PHF2: variants seen among roughly 807,000 people sequenced by gnomAD.
The protein encoded by PHF2 is PHD finger protein 2, also known as lysine-specific demethylase PHF2.
PHF2 carries 27 observed loss-of-function variants against 120.5 expected under a neutral mutation model. The ratio of observed to expected loss-of-function variants is 0.22; its 90% CI spans 0.17 to 0.31. PHF2 has a LOEUF of 0.31. Ranked by LOEUF, PHF2 falls within the 10% of genes least tolerant of loss-of-function variation. The pLI, the probability that PHF2 is intolerant of heterozygous loss-of-function variation, is 1.00. For synonymous variants in PHF2, 568 were observed against 592.5 expected, an observed-to-expected ratio of 0.96 and a Z score of 0.60; for missense variants, 1,024 against 1,434.8, an observed-to-expected ratio of 0.71 and a Z score of 4.63.
Position 93,649,320 on chromosome 9 carries a change from A to G in PHF2, c.602+108A>G, listed in dbSNP as rs1201763571. 1.3e-5 allele frequency: 10 copies of G among 787,338 alleles called. No individual in the cohort carries two copies. The East Asian group carries it at 2.8e-4, about 22-fold the overall frequency. The allele number at this position is 787,338 out of a possible 1,614,324, so 48.8% of individuals were successfully genotyped here. A position where few individuals can be genotyped will look rare whatever the true frequency, so the allele number is the denominator to read the frequency against. Reference sequence around the variant, plus strand: ...CAGGTCGAAGGTATCAGAGTCTGGAATACTGCACATGGCACACACTGATTT... The same window carrying G: ...CAGGTCGAAGGTATCAGAGTCTGGAGTACTGCACATGGCACACACTGATTT... On this transcript the variant is annotated intron_variant, in intron 5 of 21. Coordinates refer to ENST00000359246, the MANE Select transcript of PHF2 (RefSeq NM_005392.4).
rs1469178627 is a variant in PHF2, at chr9:93,665,899, G to A, written c.2116+35G>A. 5 of 1,612,398 alleles carry A rather than the reference G, an allele frequency of 3.1e-6. No homozygotes were observed. In the East Asian group the frequency reaches 8.9e-5, roughly 29 times the overall value. ...GAGGGGGTGTTGGGGGAGGGGTGTG[G>A]GAGAGGCCCATCCTGCCCCGGAGAG... On this transcript the variant is annotated intron_variant, in intron 15 of 21. Transcript: ENST00000359246.
intron 1 of PHF2, among the ~76,000 whole-genome samples, chr9:93,619,655 A>C (rs1439755266): frequency 1.3e-5 from 2 of 151,164 alleles, no homozygotes; most frequent in East Asian, 3.9e-4. Context: ...CGTGCTCCAT[A>C]CCTGCTGGTG....
chr9:93,675,097 A>G (rs1161093775), intron 19 of PHF2, 75 bp downstream of exon 19: 4 of 1,198,554 alleles, frequency 3.3e-6, no homozygotes, highest in Non-Finnish European at 4.9e-6. Context: ...TGGTCCCTCC[A>G]GCCCCTGAGA....
intron 1 of PHF2, among the ~76,000 whole-genome samples, chr9:93,591,466 G>A (rs560662926): frequency 1.1e-4 from 16 of 152,206 alleles, no homozygotes; most frequent in Admixed American, 9.8e-4. Context: ...TGAGTAGGAC[G>A]TGTGGACTGG....
chr9:93,642,418 A>G (rs1424622978), intron 3 of PHF2, among the ~76,000 whole-genome samples: 5 of 152,210 alleles, frequency 3.3e-5, no homozygotes, highest in African/African-American at 1.2e-4. Context: ...TTATAGAATT[A>G]TATCTTTTAG....
chr9:93,675,836 C>T, intron 20 of PHF2, 47 bp downstream of exon 20: 1 of 1,458,324 alleles, frequency 6.9e-7, no homozygotes, highest in African/African-American at 1.4e-5. Context: ...CCCTGCTACC[C>T]CCACCTGGTG....
intron 1 of PHF2, among the ~76,000 whole-genome samples, chr9:93,622,469 A>G (rs746314579): frequency 7.2e-5 from 11 of 152,206 alleles, no homozygotes; most frequent in African/African-American, 2.7e-4. Context: ...CAGCAGCTGC[A>G]GCGTCATCAC....
At chr9:93,611,792 G>C (rs1435677333) in intron 1 of PHF2, among the ~76,000 whole-genome samples, 1 of 152,160 alleles carries the variant, frequency 6.6e-6, no homozygotes, top group Non-Finnish European at 1.5e-5. Flanking sequence ...TGGGATTATA[G>C]GCATGAGCCA....
chr9:93,618,174 G>A (rs1353423653), intron 1 of PHF2, among the ~76,000 whole-genome samples: 1 of 152,212 alleles, frequency 6.6e-6, no homozygotes, highest in Non-Finnish European at 1.5e-5. Context: ...GTCACAGTTG[G>A]CTCAGATGAA....
chr9:93,675,035 CA>C lies in PHF2; in HGVS notation c.2722+14del. 6.2e-7 allele frequency: 1 copy of C among 1,603,404 alleles called. No homozygotes were observed. The highest frequency in any genetic ancestry group is 8.5e-7 in the Non-Finnish European group (1 of 1,170,978). Reference sequence around the variant, plus strand: ...TACAGCCCAACAGGTAGTGCTGGGACAGGGGTAGGGGGTCCACCTGACACCC... The same window carrying C: ...TACAGCCCAACAGGTAGTGCTGGGACGGGGTAGGGGGTCCACCTGACACCC... On this transcript the variant is annotated intron_variant, in intron 19 of 21. Coordinates refer to ENST00000359246, the MANE Select transcript of PHF2 (RefSeq NM_005392.4).
In PHF2 at chr9:93,679,475, A is replaced by G. The variant is rs575926368; in HGVS notation, c.*1799A>G. On this transcript the variant is annotated 3_prime_UTR_variant, in exon 22 of 22. Coordinates refer to ENST00000359246, the MANE Select transcript of PHF2 (RefSeq NM_005392.4). ...ATTTCTAACAAAGTTTATCGTGGCT[A>G]TTAAAGTGTTTTATTTCCCAATTCA... 4 of 306,116 alleles carry G rather than the reference A, an allele frequency of 1.3e-5. No individual in the cohort carries two copies. Among genetic ancestry groups the G allele is most frequent in the African/African-American group, 9.0e-5 (4 of 44,630 alleles). 19.0% of individuals were successfully genotyped at this position (306,116 alleles called of 1,614,324 possible).
At chr9:93,623,808 T>A (rs964913509) in intron 1 of PHF2, among the ~76,000 whole-genome samples, 7 of 152,240 alleles carry the variant, frequency 4.6e-5, no homozygotes, top group Non-Finnish European at 8.8e-5. Context: ...AAAAACAATT[T>A]GCCAAGATCT....
At chr9:93,593,636 A>G (rs188666634) in intron 1 of PHF2, among the ~76,000 whole-genome samples, 2 of 152,386 alleles carry the variant, frequency 1.3e-5, no homozygotes, top group Admixed American at 1.3e-4. Flanking sequence ...TATTTAATTT[A>G]TCAAGAATTC....
At chr9:93,620,743 C>T (rs377764520) in intron 1 of PHF2, among the ~76,000 whole-genome samples, 32 of 152,212 alleles carry the variant, frequency 2.1e-4, no homozygotes, top group African/African-American at 7.2e-4. Flanking sequence ...GTATCTTATG[C>T]TCCTGGCTTT....
chr9:93,647,387 C>T (rs545703744), intron 4 of PHF2, among the ~76,000 whole-genome samples: 1 of 152,330 alleles, frequency 6.6e-6, no homozygotes, highest in Admixed American at 6.5e-5. Context: ...ACAGCTGTCC[C>T]TGCAGAAGCA....
In PHF2 at chr9:93,663,630, C is replaced by T. The variant is rs750493068; in HGVS notation, c.1932C>T (p.Leu644=). The change falls in exon 14 of 22, where the codon CTC becomes CTT. Residue 644 remains leucine, a synonymous_variant. Transcript: ENST00000359246. ...KFSFSFSNKK[L]LGSKALRPPT... is the part of the protein sequence containing the mutation. ...CTTTTTCTTTCTCCAACAAGAAACTCCTCGGGTATGTGAGTGCCTGGATGG... is the reference window on the plus strand; with the variant it reads ...CTTTTTCTTTCTCCAACAAGAAACTTCTCGGGTATGTGAGTGCCTGGATGG... 3.7e-6 allele frequency: 6 copies of T among 1,603,672 alleles called. No individual in the cohort carries two copies. The highest frequency in any genetic ancestry group is 2.7e-5 in the African/African-American group (2 of 74,620).
At chr9:93,633,328 T>A (rs1339634896) in intron 2 of PHF2, among the ~76,000 whole-genome samples, 1 of 152,188 alleles carries the variant, frequency 6.6e-6, no homozygotes, top group African/African-American at 2.4e-5. Flanking sequence ...GTACAGGGTG[T>A]CCCAAGGTAC....
At chr9:93,623,729 C>T (rs1194899584) in intron 1 of PHF2, among the ~76,000 whole-genome samples, 1 of 152,206 alleles carries the variant, frequency 6.6e-6, no homozygotes, top group East Asian at 1.9e-4. Flanking sequence ...TTCTTTTACA[C>T]TTGACTCTTT....
chr9:93,676,594 G>A lies in PHF2; in HGVS notation c.2833G>A (p.Glu945Lys). ...AAAAAKLSQQ[E>K]EQKSKKKKSA... ...GCTGCCCTGCATGTTTTGTTCAAAG[G>A]AGGAGCAGAAAAGCAAGAAAAAAAA... The change falls in exon 21 of 22, where the codon GAG (glutamate) becomes AAG (lysine). Residue 945 changes from glutamate (E) to lysine (K), a missense_variant and splice_region_variant. This residue lies in a region of PHF2 where 677 missense variants were observed against 857.4 expected (regional missense o/e 0.79). Transcript: ENST00000359246. The A allele has an allele frequency of 6.3e-7, 1 of 1,592,146 alleles. No homozygotes were observed. The highest frequency in any genetic ancestry group is 1.1e-5 in the South Asian group (1 of 88,486).
Sources: gnomAD v4.1 joint callset for allele counts (sites outside exome capture counted in the v4.1 genomes callset) on GRCh38, gnomAD v4.1.1 for gene constraint, gnomAD v4.1.1 regional missense constraint, MANE v1.5 for transcripts, NCBI Gene and HGNC (gene_info 2026-07-23, HGNC 2026-07-21) for gene names.